The following AGBL4 variants were observed in gnomAD, a reference collection of about 807,000 sequenced individuals.
AGBL4 encodes cytosolic carboxypeptidase 6.
In AGBL4, 58 loss-of-function variants were observed where a neutral mutation model predicts 66.4. The ratio of observed to expected loss-of-function variants is 0.87; its 90% CI spans 0.71 to 1.09. AGBL4 has a LOEUF of 1.09. Ranked by LOEUF, AGBL4 falls within the 50% of genes least tolerant of loss-of-function variation. The pLI, the probability that AGBL4 is intolerant of heterozygous loss-of-function variation, is 0.00. For missense variants in AGBL4, 579 were observed against 631.0 expected (o/e 0.92, Z 0.88); for synonymous variants, 234 against 222.9 (o/e 1.05, Z -0.44).
intron 3 of AGBL4, among the ~76,000 whole-genome samples, chr1:49,331,727 C>G (rs1645338716): frequency 6.6e-6 from 1 of 152,064 alleles, no homozygotes; most frequent in Non-Finnish European, 1.5e-5. Flanking sequence ...CCAGACTATC[C>G]TGCAGACTTC....
Position 48,964,254 on chromosome 1 carries a change from C to T in AGBL4, c.594+81330G>A, listed in dbSNP as rs192045244. 2.9e-4 allele frequency among the ~76,000 whole-genome samples: 44 copies of T among 152,302 alleles called. 1 individual carries two copies. The highest frequency in any genetic ancestry group is 1.0e-3 in the African/African-American group (42 of 41,574). The stretch of plus-strand genomic sequence containing the variant: ...ACCTGAGCCAGTTCTGCACCTGGTT[C>T]TCCTAGACGATGGAGGCCCACTCGT... On this transcript the variant is annotated intron_variant, in intron 5 of 13. Transcript: ENST00000371839.
At position 49,802,452 on chromosome 1, in the gene AGBL4, T is replaced by C. The variant is rs1644884412; in HGVS notation, c.157+48944A>G. Reference sequence around the variant, plus strand: ...CTTTTGCTGCAACTGTTACTGCTGATTAATATCTTGCTAATCATAGGTTAT... The same window carrying C: ...CTTTTGCTGCAACTGTTACTGCTGACTAATATCTTGCTAATCATAGGTTAT... On this transcript the variant is annotated intron_variant, in intron 2 of 13. Transcript: ENST00000371839. Among the ~76,000 whole-genome samples, 3 of 152,230 alleles carry C rather than the reference T, an allele frequency of 2.0e-5. No individual in the cohort carries two copies. In the South Asian group the frequency reaches 6.2e-4, roughly 32 times the overall value.
chr1:49,057,253 A>G (rs1644324284), intron 4 of AGBL4, among the ~76,000 whole-genome samples: 1 of 152,070 alleles, frequency 6.6e-6, no homozygotes, highest in South Asian at 2.1e-4. Context: ...GAGAAAAGAA[A>G]AGAAAAATAT....
chr1:49,404,854 T>C (rs2148617359), intron 3 of AGBL4, among the ~76,000 whole-genome samples: 1 of 152,382 alleles, frequency 6.6e-6, no homozygotes, highest in South Asian at 2.1e-4. Flanking sequence ...ATTCAACTGC[T>C]TATTTTTTTG....
chr1:49,790,589 G>A (rs1198642598), intron 2 of AGBL4, among the ~76,000 whole-genome samples: 1 of 152,078 alleles, frequency 6.6e-6, no homozygotes. Flanking sequence ...TACAGCAATT[G>A]AATAATGCTA....
downstream of AGBL4, among the ~76,000 whole-genome samples, chr1:48,531,480 T>G (rs141304573): frequency 7.7e-4 from 117 of 152,228 alleles, no homozygotes; most frequent in Middle Eastern, 3.4e-3. Context: ...TTCGTTCAGA[T>G]TCTTCTTGCA....
intron 1 of AGBL4, among the ~76,000 whole-genome samples, chr1:49,955,031 A>T (rs1656476616): frequency 6.6e-6 from 1 of 151,942 alleles, no homozygotes; most frequent in Admixed American, 6.6e-5. Context: ...TATTAGATTT[A>T]CTTTCCCGAA....
rs969796991 is a variant in AGBL4 at position 49,887,179 on chromosome 1, A to G, written c.35-35661T>C. Among the ~76,000 whole-genome samples the G allele has an allele frequency of 1.0e-3, 35 of 33,592 alleles. No homozygotes were observed. In the South Asian group the frequency reaches 0.02, roughly 19 times the overall value. The allele number at this position is 33,592 out of a possible 152,430, so 22.0% of individuals were successfully genotyped here. On this transcript the variant is annotated intron_variant, in intron 1 of 13. Transcript: ENST00000371839. ...CATTGTGTGTATATATATACATTGT[A>G]TATATATATATGTGTATGTATATAT...
At chr1:49,747,944 T>G (rs80113740) in intron 2 of AGBL4, among the ~76,000 whole-genome samples, 1 of 147,558 alleles carries the variant, frequency 6.8e-6, no homozygotes, top group Non-Finnish European at 1.5e-5. Flanking sequence ...GTGTGTGTGT[T>G]TGTGTGTGTG....
At chr1:49,556,438 C>T (rs1643898602) in intron 3 of AGBL4, among the ~76,000 whole-genome samples, 1 of 151,564 alleles carries the variant, frequency 6.6e-6, no homozygotes, top group African/African-American at 2.4e-5. Context: ...ATGACACCAA[C>T]ATGGCACATG....
chr1:48,737,656 A>G (rs1166114274), intron 6 of AGBL4, among the ~76,000 whole-genome samples: 2 of 152,252 alleles, frequency 1.3e-5, no homozygotes, highest in Non-Finnish European at 2.9e-5. Flanking sequence ...TGCAGAGCCA[A>G]TAAGACCCAG....
At chr1:48,536,080 G>A (rs1643966382) in intron 12 of AGBL4, among the ~76,000 whole-genome samples, 1 of 152,102 alleles carries the variant, frequency 6.6e-6, no homozygotes, top group African/African-American at 2.4e-5. Context: ...ACAGTTAGGA[G>A]CTCAGCAGAG....
At chr1:49,097,444 G>A (rs937088120) in intron 4 of AGBL4, among the ~76,000 whole-genome samples, 3 of 152,058 alleles carry the variant, frequency 2.0e-5, no homozygotes, top group Non-Finnish European at 4.4e-5. Context: ...TATTATATGT[G>A]TACTTTTATG....
intron 6 of AGBL4, among the ~76,000 whole-genome samples, chr1:48,839,985 G>C (rs757804745): frequency 8.5e-5 from 13 of 152,120 alleles, no homozygotes; most frequent in Non-Finnish European, 1.0e-4. Context: ...GCCTTGGTGG[G>C]TCAGGAAAGG....
chr1:49,080,184 C>A (rs977629945), intron 4 of AGBL4, among the ~76,000 whole-genome samples: 17 of 151,930 alleles, frequency 1.1e-4, no homozygotes, highest in Non-Finnish European at 2.5e-4. Context: ...AACAGAATAC[C>A]ACATAAATGT....
intron 2 of AGBL4, among the ~76,000 whole-genome samples, chr1:49,769,551 C>T (rs899645089): frequency 6.6e-6 from 1 of 152,174 alleles, no homozygotes; most frequent in Non-Finnish European, 1.5e-5. Context: ...AGAACATTAC[C>T]TGACTTCAAA....
At chr1:49,765,959 A>T (rs1308163647) in intron 2 of AGBL4, among the ~76,000 whole-genome samples, 19 of 152,182 alleles carry the variant, frequency 1.2e-4, no homozygotes, top group Non-Finnish European at 2.9e-5. Context: ...AAATCTATGA[A>T]TTATTGGCAT....
intron 7 of AGBL4, among the ~76,000 whole-genome samples, chr1:48,659,176 C>T (rs750413887): frequency 6.7e-6 from 1 of 149,952 alleles, no homozygotes; most frequent in Non-Finnish European, 1.5e-5. Context: ...ACTGGTCAGG[C>T]ACCTACCTGT....
chr1:48,968,220 T>C (rs996772219), intron 5 of AGBL4, among the ~76,000 whole-genome samples: 2 of 151,670 alleles, frequency 1.3e-5, no homozygotes, highest in African/African-American at 4.8e-5. Flanking sequence ...TAGAGCAGAG[T>C]GAGGAAACAG....
Sources: gnomAD v4.1 joint callset for allele counts (sites outside exome capture counted in the v4.1 genomes callset) on GRCh38, gnomAD v4.1.1 for gene constraint, MANE v1.5 for transcripts, NCBI Gene and HGNC (gene_info 2026-07-23, HGNC 2026-07-21) for gene names.